TMOD4: variants seen among roughly 807,000 people sequenced by gnomAD.
TMOD4 encodes the protein tropomodulin 4.
In TMOD4, 34 loss-of-function variants were observed where a neutral mutation model predicts 45.4. The ratio of observed to expected loss-of-function variants is 0.75; its 90% CI spans 0.57 to 1.00. The LOEUF (loss-of-function observed/expected upper bound fraction) is 1.00, where lower values mean the gene tolerates loss of function less well. Among genes scored for constraint, TMOD4 ranks in the 50% least tolerant of loss-of-function variants. The probability of loss-of-function intolerance (pLI) is 0.00; values close to 1 mark genes in which losing one functional copy is unlikely to be tolerated. For synonymous variants in TMOD4, 131 were observed against 153.9 expected (o/e 0.85, Z 1.10); for missense variants, 399 against 437.5 (o/e 0.91, Z 0.78).
chr1:151,172,383 CAG>C (rs1683988420), intron 4 of TMOD4, 26 bp from the exon 5 acceptor site: 1 of 1,579,852 alleles, frequency 6.3e-7, no homozygotes, highest in African/African-American at 1.3e-5. Flanking sequence ...AGAGGAGTCA[CAG>C]GGAATGAGAA....
At chr1:151,174,643 C>T (rs1684050477) in intron 2 of TMOD4, 96 bp from the exon 3 acceptor site, 1 of 1,593,274 alleles carries the variant, frequency 6.3e-7, no homozygotes, top group African/African-American at 1.3e-5. Context: ...TTCCCCTGGC[C>T]TTCTTAGGAC....
At chr1:151,171,215 T>A in intron 7 of TMOD4, 152 bp from the exon 8 acceptor site, 1 of 955,868 alleles carries the variant, frequency 1.0e-6, no homozygotes, top group Non-Finnish European at 1.6e-6. Context: ...GCAGGGCGGA[T>A]AGCAGGGGAA....
intron 7 of TMOD4, 134 bp downstream of exon 7, chr1:151,171,299 G>A: frequency 2.3e-6 from 2 of 864,646 alleles, no homozygotes; most frequent in African/African-American, 1.7e-5. Flanking sequence ...AGCACTGAAG[G>A]TAGGAGTCTC....
intron 7 of TMOD4, 110 bp from the exon 8 acceptor site, chr1:151,171,173 G>A (rs1683941491): frequency 7.8e-7 from 1 of 1,288,782 alleles, no homozygotes. Context: ...AGTCTTTCAG[G>A]TGCTGTAAAT....
chr1:151,172,412 C>T (rs1683989765), intron 4 of TMOD4, 55 bp from the exon 5 acceptor site: 1 of 1,363,136 alleles, frequency 7.3e-7, no homozygotes, highest in East Asian at 2.3e-5. Context: ...TGTTCCAAGC[C>T]TCCCTCCTAC....
rs1331541970 is a variant in TMOD4 at position 151,173,570 on chromosome 1, T to C, written c.326A>G (p.Gln109Arg). 2.5e-6 allele frequency: 4 copies of C among 1,614,118 alleles called. No individual in the cohort carries two copies. The highest frequency in any genetic ancestry group is 3.4e-6 in the Non-Finnish European group (4 of 1,180,034). ...CTCCAGCTCAGGCTCCAGGGTGATCTGCTCCTCTGCTGGGATTTCCCTCTT... is the reference window on the plus strand; with the variant it reads ...CTCCAGCTCAGGCTCCAGGGTGATCCGCTCCTCTGCTGGGATTTCCCTCTT... ...QPKREIPAEE[Q>R]ITLEPELEEA... is the part of the protein sequence containing the mutation. The change falls in exon 4 of 10, where the codon CAG becomes CGG. Residue 109 changes from glutamine to arginine, a missense_variant. Physicochemically the swap from Gln to Arg is conservative, Grantham distance 43 (BLOSUM62 1). Coordinates refer to ENST00000295314, the MANE Select transcript of TMOD4 (RefSeq NM_013353.3).
At chr1:151,173,672 C>T in intron 3 of TMOD4, 57 bp from the exon 4 acceptor site, 2 of 1,390,272 alleles carry the variant, frequency 1.4e-6, no homozygotes, top group East Asian at 4.6e-5. Context: ...AGATCCTGGC[C>T]TCCAGGTTTC....
At chr1:151,171,377 T>A in intron 7 of TMOD4, 56 bp downstream of exon 7, 1 of 1,498,468 alleles carries the variant, frequency 6.7e-7, no homozygotes, top group Non-Finnish European at 9.3e-7. Flanking sequence ...ATGACAGCCA[T>A]GCAACAGGTG....
Position 151,174,421 on chromosome 1 carries a change from C to A in TMOD4, c.250G>T (p.Asp84Tyr). ...TTCTCGCCTGTGAAGGGCACCAAGT[C>A]ATCACGCTCTTTGACTTCTAGTGCC... ...QQALEVKERD[D>Y]LVPFTGEKKG... Residue 84 changes from aspartate to tyrosine, a missense_variant, in exon 3 of 10, where the codon GAC (aspartate) becomes TAC (tyrosine). Coordinates refer to ENST00000295314, the MANE Select transcript of TMOD4 (RefSeq NM_013353.3). 6.2e-7 allele frequency: 1 copy of A among 1,614,130 alleles called. No individual in the cohort carries two copies. The highest frequency in any genetic ancestry group is 8.5e-7 in the Non-Finnish European group (1 of 1,180,032).
intron 5 of TMOD4, 31 bp from the exon 6 acceptor site, chr1:151,171,794 A>G (rs375575121): frequency 1.4e-5 from 23 of 1,603,290 alleles, no homozygotes; most frequent in Non-Finnish European, 1.9e-5. Context: ...GGGAACCCCA[A>G]CATGTTCCCC....
At chr1:151,173,709 G>A in intron 3 of TMOD4, 94 bp from the exon 4 acceptor site, 1 of 936,892 alleles carries the variant, frequency 1.1e-6, no homozygotes, top group East Asian at 2.4e-5. Flanking sequence ...GTAGAATGCT[G>A]CGTCACGAAG....
intron 5 of TMOD4, 133 bp from the exon 6 acceptor site, chr1:151,171,896 G>T: frequency 8.2e-7 from 1 of 1,217,810 alleles, no homozygotes; most frequent in Non-Finnish European, 1.1e-6. Context: ...GAATGCAGTG[G>T]CACAATCTCA....
chr1:151,170,500 C>T lies in TMOD4; in HGVS notation c.1015+19G>A. On this transcript the variant is annotated intron_variant, in intron 9 of 9. Coordinates refer to ENST00000295314, the MANE Select transcript of TMOD4 (RefSeq NM_013353.3). ...GCACTTCCCTGACCACTCCACACAT[C>T]ATGTCTGCAGTTACTCACGTAGTTC... 1 of 1,613,946 alleles carries T rather than the reference C, an allele frequency of 6.2e-7. No homozygotes were observed. The highest frequency in any genetic ancestry group is 2.2e-5 in the East Asian group (1 of 44,888).
intron 5 of TMOD4, 40 bp downstream of exon 5, chr1:151,172,228 G>T (rs1298873139): frequency 6.6e-7 from 1 of 1,523,274 alleles, no homozygotes; most frequent in Admixed American, 1.7e-5. Context: ...AGGACTGCCT[G>T]CCCAGAGCCC....
At chr1:151,172,208 C>T in intron 5 of TMOD4, 60 bp downstream of exon 5, 2 of 1,362,028 alleles carry the variant, frequency 1.5e-6, no homozygotes, top group Non-Finnish European at 2.1e-6. Flanking sequence ...TCTACCTTCT[C>T]CCAGACACTA....
chr1:151,171,195 G>C (rs1177205028), intron 7 of TMOD4, 132 bp from the exon 8 acceptor site: 1 of 1,070,746 alleles, frequency 9.3e-7, no homozygotes, highest in Non-Finnish European at 1.4e-6. Context: ...GAGCTAGAGG[G>C]ATACAGAAAG....
At position 151,174,933 on chromosome 1, in the gene TMOD4, C is replaced by G; in HGVS notation, c.-42-16G>C. On this transcript the variant is annotated splice_polypyrimidine_tract_variant and intron_variant, in intron 1 of 9. Transcript: ENST00000295314. ...CTCACAGAGCCTGGGCAACATGGGACAAAAGGATGGACAATGGTAAGATGG... is the reference window on the plus strand; with the variant it reads ...CTCACAGAGCCTGGGCAACATGGGAGAAAAGGATGGACAATGGTAAGATGG... The G allele has an allele frequency of 6.2e-7, 1 of 1,607,960 alleles. No homozygotes were observed. Among genetic ancestry groups the G allele is most frequent in the Non-Finnish European group, 8.5e-7 (1 of 1,175,982 alleles).
chr1:151,170,125 CAT>C, intron 9 of TMOD4, 22 bp from the exon 10 acceptor site: 2 of 1,614,098 alleles, frequency 1.2e-6, no homozygotes, highest in Non-Finnish European at 1.7e-6. Context: ...CAATATTAAA[CAT>C]AAGTGTTTGT....
intron 5 of TMOD4, 130 bp downstream of exon 5, chr1:151,172,138 A>G: frequency 1.3e-6 from 1 of 780,812 alleles, no homozygotes; most frequent in Non-Finnish European, 2.1e-6. Context: ...CTGGCACTCC[A>G]CAGGTTTTCT....
Sources: allele counts gnomAD v4.1 joint callset, GRCh38; gene constraint gnomAD v4.1.1; transcripts MANE v1.5; gene names NCBI Gene and HGNC (gene_info 2026-07-23, HGNC 2026-07-21).